The following KLKB1 variants were observed in gnomAD, a reference collection of about 807,000 sequenced individuals.
The protein encoded by KLKB1 is kallikrein B1, also known as plasma kallikrein.
A neutral mutation model predicts 73.6 loss-of-function variants in KLKB1; 58 were observed. The observed-to-expected ratio is 0.79, with a 90% CI of 0.64 to 0.98. The LOEUF is 0.98. Among genes scored for constraint, KLKB1 ranks in the 50% least tolerant of loss-of-function variants. KLKB1 has a pLI of 0.00. For synonymous variants in KLKB1, 280 were observed against 258.1 expected (o/e 1.08, Z -0.81); for missense variants, 737 against 763.8 (o/e 0.96, Z 0.41).
intron 4 of KLKB1, among the ~76,000 whole-genome samples, chr4:186,236,054 C>CAGTG (rs1242853515): frequency 1.4e-5 from 2 of 146,054 alleles, no homozygotes; most frequent in Non-Finnish European, 3.0e-5. Context: ...GCGGAGCTTG[C>CAGTG]AGTGAGTCGA....
intron 5 of KLKB1, among the ~76,000 whole-genome samples, chr4:186,238,027 G>C (rs1451055023): frequency 1.3e-5 from 2 of 152,116 alleles, no homozygotes; most frequent in Non-Finnish European, 2.9e-5. Context: ...CTTGCTTATA[G>C]AATGAGGGTT....
chr4:186,252,809 A>C (rs571496293), intron 11 of KLKB1, among the ~76,000 whole-genome samples: 1 of 152,240 alleles, frequency 6.6e-6, no homozygotes, highest in Non-Finnish European at 1.5e-5. Context: ...GCCCATAGAA[A>C]TGTTACTTCT....
Position 186,258,116 on chromosome 4 carries a change from A to G in KLKB1, c.1821A>G (p.Gln607=). 6.2e-7 allele frequency: 1 copy of G among 1,614,140 alleles called. No homozygotes were observed. Among genetic ancestry groups the G allele is most frequent in the South Asian group, 1.1e-5 (1 of 91,082 alleles). ...SWGEGCARRE[Q]PGVYTKVAEY... ...GTGAAGGCTGTGCCCGCAGGGAGCA[A>G]CCTGGTGTCTACACCAAAGTCGCTG... Residue 607 remains glutamine (Q), a synonymous_variant, in exon 15 of 15, where the codon CAA becomes CAG. Transcript: ENST00000264690.
chr4:186,218,175 G>C (rs900374938), intron 2 of KLKB1, among the ~76,000 whole-genome samples: 1 of 152,208 alleles, frequency 6.6e-6, no homozygotes, highest in Non-Finnish European at 1.5e-5. Context: ...TGCATTTCCT[G>C]AATTGGGTGG....
At chr4:186,217,112 G>A (rs1736923611) in intron 2 of KLKB1, among the ~76,000 whole-genome samples, 1 of 152,138 alleles carries the variant, frequency 6.6e-6, no homozygotes, top group South Asian at 2.1e-4. Flanking sequence ...AATCTACAGA[G>A]GTTTTTTTAG....
At chr4:186,217,224 T>C (rs891998251) in intron 2 of KLKB1, among the ~76,000 whole-genome samples, 2 of 152,224 alleles carry the variant, frequency 1.3e-5, no homozygotes, top group African/African-American at 4.8e-5. Context: ...TCTCACCTTT[T>C]AGAAAAACAA....
chr4:186,241,800 C>T (rs913397756), intron 6 of KLKB1, among the ~76,000 whole-genome samples: 3 of 152,170 alleles, frequency 2.0e-5, no homozygotes, highest in Admixed American at 6.5e-5. Flanking sequence ...CGGAGGCTAA[C>T]CAGATGGCAT....
chr4:186,231,522 A>G lies in KLKB1; in HGVS notation c.59-605A>G, dbSNP rs193164085. On this transcript the variant is annotated intron_variant, in intron 2 of 14. Coordinates refer to ENST00000264690, the MANE Select transcript of KLKB1 (RefSeq NM_000892.5). ...TAAAAAATACTGTCAGTTTGTTTCA[A>G]TCATACTGAGATGAGGAACAATGTT... Among the ~76,000 whole-genome samples the G allele has an allele frequency of 2.4e-3, 369 of 152,376 alleles. 2 individuals carry two copies. Among genetic ancestry groups the G allele is most frequent in the African/African-American group, 8.1e-3 (335 of 41,586 alleles).
Position 186,257,031 on chromosome 4 carries a change from A to G in KLKB1, c.1586-195A>G, listed in dbSNP as rs192033315. 9.5e-3 allele frequency among the ~76,000 whole-genome samples: 1,420 copies of G among 149,974 alleles called. 10 individuals are homozygous for G. The highest frequency in any genetic ancestry group is 0.016 in the Non-Finnish European group (1,087 of 67,460). Reference sequence around the variant, plus strand: ...TGTGTGTGTGTGTGTGTGTAACACTACCTTCCCAATTTTTACTGTCTATTT... The same window carrying G: ...TGTGTGTGTGTGTGTGTGTAACACTGCCTTCCCAATTTTTACTGTCTATTT... On this transcript the variant is annotated intron_variant, in intron 13 of 14. Transcript: ENST00000264690.
At chr4:186,237,208 C>T (rs975137256) in intron 5 of KLKB1, among the ~76,000 whole-genome samples, 4 of 152,152 alleles carry the variant, frequency 2.6e-5, no homozygotes, top group African/African-American at 9.7e-5. Context: ...AAGCGATTCT[C>T]CTGCCTCAGC....
intron 2 of KLKB1, 65 bp downstream of exon 2, chr4:186,228,318 C>T (rs1579991635): frequency 1.0e-6 from 1 of 995,152 alleles, no homozygotes; most frequent in South Asian, 1.3e-5. Context: ...CAAGTGGCAC[C>T]ACCCCTGGAG....
intron 2 of KLKB1, among the ~76,000 whole-genome samples, chr4:186,214,205 C>T (rs1344944349): frequency 6.6e-6 from 1 of 152,150 alleles, no homozygotes; most frequent in East Asian, 1.9e-4. Flanking sequence ...AAGAAGCAGG[C>T]AGAAGAAATG....
chr4:186,224,630 G>A (rs995761457), upstream of KLKB1, among the ~76,000 whole-genome samples: 4 of 152,178 alleles, frequency 2.6e-5, no homozygotes, highest in African/African-American at 9.6e-5. Context: ...TACCCACATT[G>A]TGTTTTGGAA....
chr4:186,244,325 A>G (rs1398187873), intron 6 of KLKB1, among the ~76,000 whole-genome samples: 1 of 149,888 alleles, frequency 6.7e-6, no homozygotes, highest in Non-Finnish European at 1.5e-5. Context: ...GAAGAAAAGG[A>G]GTTGTTTTGT....
chr4:186,217,013 C>T (rs1736920412), intron 2 of KLKB1, among the ~76,000 whole-genome samples: 1 of 152,080 alleles, frequency 6.6e-6, no homozygotes, highest in South Asian at 2.1e-4. Context: ...ATTCACTGTC[C>T]CCAGGATTTG....
rs1737444201 is a variant in KLKB1 at position 186,232,391 on chromosome 4, T to C, written c.221+102T>C. On this transcript the variant is annotated intron_variant, in intron 3 of 14. Coordinates refer to ENST00000264690, the MANE Select transcript of KLKB1 (RefSeq NM_000892.5). ...ACTGAGAGTTCTTCCTCACACGGGG[T>C]TCAAGGACCAGCTTCAGCAAAATCC... is the stretch of plus-strand genomic sequence containing the variant. 3 of 1,096,868 alleles carry C rather than the reference T, an allele frequency of 2.7e-6. No homozygotes were observed. In the Admixed American group the frequency reaches 5.4e-5, roughly 20 times the overall value. 67.9% of individuals were successfully genotyped at this position (1,096,868 alleles called of 1,614,324 possible).
At chr4:186,246,430 C>G (rs1738354775) in intron 6 of KLKB1, among the ~76,000 whole-genome samples, 1 of 152,228 alleles carries the variant, frequency 6.6e-6, no homozygotes, top group Admixed American at 6.5e-5. Context: ...GGACGTCAGG[C>G]ACCTCAGACC....
At chr4:186,227,373 C>G (rs143071256), upstream of KLKB1, 227 of 152,308 alleles carry the variant, frequency 1.5e-3, 2 homozygotes, top group African/African-American at 5.2e-3. Flanking sequence ...GCTGACATCA[C>G]TCCCTGAAAT....
At chr4:186,247,365 G>A (rs1029223582) in intron 6 of KLKB1, among the ~76,000 whole-genome samples, 1 of 151,870 alleles carries the variant, frequency 6.6e-6, no homozygotes, top group African/African-American at 2.4e-5. Context: ...ATTTGGGTAG[G>A]TAGTGGAAAA....
Sources: gnomAD v4.1 joint callset for allele counts (sites outside exome capture counted in the v4.1 genomes callset) on GRCh38, gnomAD v4.1.1 for gene constraint, MANE v1.5 for transcripts, NCBI Gene and HGNC (gene_info 2026-07-23, HGNC 2026-07-21) for gene names.